TET1: variants seen among roughly 807,000 people sequenced by gnomAD.
TET1 encodes tet methylcytosine dioxygenase 1, also known as methylcytosine dioxygenase TET1.
TET1 carries 13 observed loss-of-function variants against 148.7 expected under a neutral mutation model. The ratio of observed to expected loss-of-function variants is 0.09; its 90% confidence interval spans 0.06 to 0.14. TET1 has a LOEUF of 0.14. Among genes scored for constraint, TET1 ranks in the 10% least tolerant of loss-of-function variants. TET1 has a pLI of 1.00. For synonymous variants in TET1, 907 were observed against 937.2 expected (o/e 0.97, Z 0.59); for missense variants, 2,182 against 2,553.8 (o/e 0.85, Z 3.14).
At chr10:68,674,230 G>T (rs2055319526) in intron 8 of TET1, 2 of 153,804 alleles carry the variant, frequency 1.3e-5, no homozygotes, top group Admixed American at 1.3e-4. Flanking sequence ...TACTAAGGAG[G>T]CTGAGGTGGG....
At chr10:68,649,605 CAAA>C (rs557761071) in intron 4 of TET1, among the ~76,000 whole-genome samples, 5 of 80,248 alleles carry the variant, frequency 6.2e-5, no homozygotes, top group Admixed American at 1.3e-4. Flanking sequence ...GACTCTGTCT[CAAA>C]AAAAAAAAAA....
At chr10:68,622,839 A>G (rs2054396981) in intron 3 of TET1, among the ~76,000 whole-genome samples, 1 of 152,092 alleles carries the variant, frequency 6.6e-6, no homozygotes, top group Admixed American at 6.6e-5. Context: ...TTAGCCTCCC[A>G]GGGTGCTAGG....
intron 3 of TET1, chr10:68,632,606 A>G: frequency 1.3e-6 from 2 of 1,582,458 alleles, no homozygotes; most frequent in Non-Finnish European, 8.7e-7. Flanking sequence ...CACTGTAGGT[A>G]TAATTATGCA....
chr10:68,674,601 G>T, intron 8 of TET1: 3 of 513,100 alleles, frequency 5.8e-6, no homozygotes, highest in South Asian at 1.7e-5. Context: ...GGGAATGATT[G>T]CCTGATGAGC....
chr10:68,682,676 T>A (rs563624535), intron 9 of TET1, among the ~76,000 whole-genome samples, 160 bp from the exon 10 acceptor site: 3 of 152,212 alleles, frequency 2.0e-5, no homozygotes, highest in Non-Finnish European at 4.4e-5. Flanking sequence ...TTCTCCTGAA[T>A]GTTGCTAAGC....
intron 8 of TET1, chr10:68,674,990 G>T (rs928096384): frequency 5.8e-5 from 23 of 394,506 alleles, no homozygotes; most frequent in Non-Finnish European, 8.9e-5. Context: ...TTGAATTGGG[G>T]AAACTCATGG....
Position 68,573,142 on chromosome 10 carries a change from T to C in TET1, c.804T>C (p.Ile268=). 1 of 1,614,076 alleles carries C rather than the reference T, an allele frequency of 6.2e-7. No homozygotes were observed. Among genetic ancestry groups the C allele is most frequent in the Non-Finnish European group, 8.5e-7 (1 of 1,180,004 alleles). The change falls in exon 2 of 12, where the codon ATT becomes ATC. Residue 268 remains isoleucine, a synonymous_variant. Coordinates refer to ENST00000373644, the MANE Select transcript of TET1 (RefSeq NM_030625.3). Reference sequence around the variant, plus strand: ...TTACCTCTCAAGGAAACCCCAGCATTCAGTTAGAAGAGTTGGGTTCACGAG... The same window carrying C: ...TTACCTCTCAAGGAAACCCCAGCATCCAGTTAGAAGAGTTGGGTTCACGAG... The part of the protein sequence containing the change: ...PKVTSQGNPS[I]QLEELGSRVE...
intron 8 of TET1, among the ~76,000 whole-genome samples, chr10:68,678,840 T>G (rs2133213894): frequency 6.6e-6 from 1 of 152,194 alleles, no homozygotes; most frequent in Non-Finnish European, 1.5e-5. Flanking sequence ...AATTAGAAGG[T>G]CAGGATTTTA....
chr10:68,622,197 C>CCTTCCTTT (rs1554937451), intron 3 of TET1, among the ~76,000 whole-genome samples: 1 of 127,666 alleles, frequency 7.8e-6, no homozygotes, highest in Non-Finnish European at 1.7e-5. Flanking sequence ...TTCCTTCCTT[C>CCTTCCTTT]CTTCCTTCCT....
chr10:68,632,336 G>C (rs190611672), intron 3 of TET1: 2 of 1,535,298 alleles, frequency 1.3e-6, no homozygotes, highest in South Asian at 1.2e-5. Flanking sequence ...AAAAAAGAAA[G>C]GGTGCAGGGC....
At chr10:68,580,749 T>C (rs1448154812) in intron 2 of TET1, among the ~76,000 whole-genome samples, 2 of 135,842 alleles carry the variant, frequency 1.5e-5, no homozygotes, top group Admixed American at 1.6e-4. Flanking sequence ...ACCATTGCAC[T>C]CCAGCCTGGG....
chr10:68,620,147 C>T (rs907179675), intron 3 of TET1, among the ~76,000 whole-genome samples: 3 of 152,136 alleles, frequency 2.0e-5, no homozygotes, highest in Middle Eastern at 3.2e-3. Flanking sequence ...GTGAGCCAGG[C>T]ACTCCAGCTT....
At position 68,597,030 on chromosome 10, in the gene TET1, A is replaced by ATTTTTTTTTTTTTTTTTTTT. The variant is rs553591899; in HGVS notation, c.1915-3949_1915-3930dup. On this transcript the variant is annotated intron_variant, in intron 2 of 11. Coordinates refer to ENST00000373644, the MANE Select transcript of TET1 (RefSeq NM_030625.3). ...ATTTTCATGATCACACAGCTAATGG[A>ATTTTTTTTTTTTTTTTTTTT]TTTTTTTTTTTTTTTTTTTTTGAGA... Among the ~76,000 whole-genome samples, 146 of 98,846 alleles carry ATTTTTTTTTTTTTTTTTTTT rather than the reference A, an allele frequency of 1.5e-3. 9 individuals carry two copies. The highest frequency in any genetic ancestry group is 5.7e-3 in the Middle Eastern group (1 of 174). The allele number at this position is 98,846 out of a possible 152,430, so 64.8% of individuals were successfully genotyped here.
intron 7 of TET1, among the ~76,000 whole-genome samples, chr10:68,668,209 G>A (rs1307825383): frequency 6.6e-6 from 1 of 151,230 alleles, no homozygotes; most frequent in Admixed American, 6.6e-5. Context: ...ATTTTTCTCA[G>A]TTTGTCTTTT....
intron 2 of TET1, 59 bp downstream of exon 2, chr10:68,574,311 C>A: frequency 7.3e-7 from 1 of 1,375,748 alleles, no homozygotes; most frequent in Non-Finnish European, 1.0e-6. Context: ...GATCTATATG[C>A]AGAGACACTT....
At chr10:68,562,523 A>G (rs555321872) in intron 1 of TET1, among the ~76,000 whole-genome samples, 1 of 152,184 alleles carries the variant, frequency 6.6e-6, no homozygotes, top group African/African-American at 2.4e-5. Context: ...GGGATTTTTA[A>G]TTAGTTTGTC....
At chr10:68,640,568 T>TTTTTC (rs1564985292) in intron 3 of TET1, among the ~76,000 whole-genome samples, 2 of 109,182 alleles carry the variant, frequency 1.8e-5, no homozygotes, top group Non-Finnish European at 1.9e-5. Flanking sequence ...TTTTTTTTTT[T>TTTTTC]TGAGATGGAG....
chr10:68,682,331 C>T (rs1383239798), intron 9 of TET1, among the ~76,000 whole-genome samples: 1 of 152,046 alleles, frequency 6.6e-6, no homozygotes, highest in African/African-American at 2.4e-5. Flanking sequence ...AGGCTGCTCT[C>T]GAACTCCTGG....
rs1269022761 is a variant in TET1 at position 68,644,928 on chromosome 10, T to C, written c.2199T>C (p.Ala733=). The C allele has an allele frequency of 3.1e-6, 5 of 1,611,458 alleles. No individual in the cohort carries two copies. The highest frequency in any genetic ancestry group is 4.2e-6 in the Non-Finnish European group (5 of 1,179,272). Reference sequence around the variant, plus strand: ...ATTTTAGTGCTAATGTCCCAGAAGCTGAAAAATCGAAAAACTCTGAAGTTG... The same window carrying C: ...ATTTTAGTGCTAATGTCCCAGAAGCCGAAAAATCGAAAAACTCTGAAGTTG... ...KGDFSANVPE[A]EKSKNSEVDK... is the part of the protein sequence containing the mutation. The change falls in exon 4 of 12, where the codon GCT becomes GCC. Residue 733 remains alanine (A), a synonymous_variant. Coordinates refer to ENST00000373644, the MANE Select transcript of TET1 (RefSeq NM_030625.3).
Sources: gnomAD v4.1 joint callset for allele counts (sites outside exome capture counted in the v4.1 genomes callset) on GRCh38, gnomAD v4.1.1 for gene constraint, MANE v1.5 for transcripts, NCBI Gene and HGNC (gene_info 2026-07-23, HGNC 2026-07-21) for gene names.